Variants in DLC1 observed in about 807,000 individuals in gnomAD.
DLC1 encodes rho GTPase-activating protein 7.
Under a neutral mutation model 140.3 loss-of-function variants are expected in DLC1, and 54 were observed. That is an observed-to-expected ratio of 0.38 (90% confidence interval 0.31 to 0.48). DLC1 has a LOEUF of 0.48. Ranked by LOEUF, DLC1 falls within the 20% of genes least tolerant of loss-of-function variation. The probability of loss-of-function intolerance (pLI) is 0.96; values close to 1 mark genes in which losing one functional copy is unlikely to be tolerated. For missense variants in DLC1, 2,536 were observed against 1,907.0 expected, an observed-to-expected ratio of 1.33 and a Z score of -6.14; for synonymous variants, 986 against 728.1, an observed-to-expected ratio of 1.35 and a Z score of -5.70.
In DLC1 at chr8:13,099,510, A is replaced by G. The variant is rs988403588; in HGVS notation, c.2827T>C (p.Cys943Arg). The G allele has an allele frequency of 6.2e-7, 1 of 1,614,180 alleles. No homozygotes were observed. Among genetic ancestry groups the G allele is most frequent in the Non-Finnish European group, 8.5e-7 (1 of 1,180,034 alleles). Residue 943 changes from cysteine to arginine, a missense_variant, in exon 9 of 18, where the codon TGC becomes CGC. Cys to Arg is a radical substitution (Grantham distance 180, BLOSUM62 -3). Transcript: ENST00000276297. ...TGTATCTGTTTTGGAGAGGACGGGC[A>G]GGGAGAGACCGAGTCCAGGGCTGAG... ...SDSALDSVSPCPSSPKQIHLD... is the reference protein window; with the variant it reads ...SDSALDSVSPRPSSPKQIHLD...
chr8:13,583,344 G>A (rs1186527901), intron 1 of DLC1, among the ~76,000 whole-genome samples: 1 of 152,148 alleles, frequency 6.6e-6, no homozygotes, highest in African/African-American at 2.4e-5. Context: ...TTCATCAGGA[G>A]TAGATTTCAT....
At chr8:13,340,702 T>C (rs1834001002) in intron 4 of DLC1, 2 of 152,238 alleles carry the variant, frequency 1.3e-5, no homozygotes, top group Admixed American at 6.5e-5. Flanking sequence ...GTGGCTATTG[T>C]TTTATTGTTG....
At position 13,085,906 on chromosome 8, in the gene DLC1, T is replaced by C. The variant is rs1268732608; in HGVS notation, c.4492A>G (p.Lys1498Glu). Residue 1498 changes from lysine to glutamate, a missense_variant, in exon 18 of 18, where the codon AAA becomes GAA. Lys to Glu is a moderately conservative substitution (Grantham distance 56). Transcript: ENST00000276297. Reference sequence around the variant, plus strand: ...GCTGCACACAAATGTCCAAAAGATTTTGTGTACCATTCTGGCATGTGGCCC... The same window carrying C: ...GCTGCACACAAATGTCCAAAAGATTCTGTGTACCATTCTGGCATGTGGCCC... ...LRGHMPEWYT[K>E]SFGHLCAAEV... 2 of 1,614,032 alleles carry C rather than the reference T, an allele frequency of 1.2e-6. No individual in the cohort carries two copies. Among genetic ancestry groups the C allele is most frequent in the Non-Finnish European group, 1.7e-6 (2 of 1,180,042 alleles).
chr8:13,541,799 T>A (rs1585256706), intron 1 of DLC1, among the ~76,000 whole-genome samples: 2 of 152,206 alleles, frequency 1.3e-5, no homozygotes, highest in East Asian at 3.9e-4. Context: ...TCCGCCTGCC[T>A]CGGCCTCCCA....
intron 5 of DLC1, among the ~76,000 whole-genome samples, chr8:13,187,409 G>C (rs931644593): frequency 5.9e-5 from 9 of 152,236 alleles, no homozygotes; most frequent in South Asian, 2.1e-4. Flanking sequence ...TCCCATTGGG[G>C]CAGAGATTGT....
chr8:13,553,784 C>G (rs932388946), intron 1 of DLC1, among the ~76,000 whole-genome samples: 1 of 152,114 alleles, frequency 6.6e-6, no homozygotes, highest in African/African-American at 2.4e-5. Context: ...ACCTTCAAAA[C>G]GATTCTTGTC....
At chr8:13,169,300 AT>A (rs983627012) in intron 5 of DLC1, among the ~76,000 whole-genome samples, 2 of 152,192 alleles carry the variant, frequency 1.3e-5, no homozygotes, top group African/African-American at 4.8e-5. Context: ...GAGTTTGGAT[AT>A]TCAGGGATTT....
At chr8:13,304,509 A>T in intron 5 of DLC1, 1 of 294,074 alleles carries the variant, frequency 3.4e-6, no homozygotes, top group Non-Finnish European at 5.0e-6. Flanking sequence ...GCTTTAGTGT[A>T]AAGGCACTTG....
intron 4 of DLC1, among the ~76,000 whole-genome samples, chr8:13,311,844 T>C (rs1289713058): frequency 6.6e-6 from 1 of 152,168 alleles, no homozygotes; most frequent in Non-Finnish European, 1.5e-5. Flanking sequence ...AAGTTGGGAT[T>C]CTGACCTTGA....
intron 4 of DLC1, among the ~76,000 whole-genome samples, chr8:13,379,820 A>C (rs1056164111): frequency 6.6e-6 from 1 of 152,296 alleles, no homozygotes; most frequent in African/African-American, 2.4e-5. Context: ...CAGCCTCAAA[A>C]AAGATTGAGT....
At chr8:13,492,388 A>C (rs1189617794) in intron 2 of DLC1, among the ~76,000 whole-genome samples, 3 of 152,084 alleles carry the variant, frequency 2.0e-5, no homozygotes, top group East Asian at 1.9e-4. Context: ...AGCCTGCTAC[A>C]TATTCACTTT....
At position 13,413,256 on chromosome 8, in the gene DLC1, A is replaced by ATTTTTTTTTTTTTTTTTTTTTTTTTTT. The variant is rs58038503; in HGVS notation, c.1024-11638_1024-11637insAAAAAAAAAAAAAAAAAAAAAAAAAAA. 1.1e-4 allele frequency among the ~76,000 whole-genome samples: 9 copies of ATTTTTTTTTTTTTTTTTTTTTTTTTTT among 82,016 alleles called. 1 individual carries two copies. Among genetic ancestry groups the ATTTTTTTTTTTTTTTTTTTTTTTTTTT allele is most frequent in the East Asian group, 4.6e-4 (1 of 2,178 alleles). The allele number at this position is 82,016 out of a possible 152,430, so 53.8% of individuals were successfully genotyped here. On this transcript the variant is annotated intron_variant, in intron 2 of 17. Coordinates refer to ENST00000276297, the MANE Select transcript of DLC1 (RefSeq NM_182643.3). Reference sequence around the variant, plus strand: ...TAAAACATTATGAGATTTTTTTGCGATTTTTTTTTTTTTTTTTTTTTAGCT... The same window carrying ATTTTTTTTTTTTTTTTTTTTTTTTTTT: ...TAAAACATTATGAGATTTTTTTGCGATTTTTTTTTTTTTTTTTTTTTTTTTTTTTTTTTTTTTTTTTTTTTTTTAGCT...
intron 5 of DLC1, among the ~76,000 whole-genome samples, chr8:13,175,456 C>T (rs1011896819): frequency 6.6e-6 from 1 of 151,966 alleles, no homozygotes; most frequent in African/African-American, 2.4e-5. Context: ...CCTTTTCTAC[C>T]TTAAACATTG....
intron 16 of DLC1, among the ~76,000 whole-genome samples, chr8:13,087,637 A>T (rs1817675969): frequency 6.6e-6 from 1 of 152,220 alleles, no homozygotes; most frequent in Admixed American, 6.5e-5. Context: ...CCTCTTTGAA[A>T]AAAGAGCCCA....
chr8:13,180,687 G>C (rs1401262398), intron 5 of DLC1, among the ~76,000 whole-genome samples: 1 of 151,788 alleles, frequency 6.6e-6, no homozygotes, highest in Non-Finnish European at 1.5e-5. Context: ...TTTATTCATT[G>C]TACAACTAAT....
chr8:13,475,960 T>C (rs1250835088), intron 2 of DLC1, among the ~76,000 whole-genome samples: 1 of 152,198 alleles, frequency 6.6e-6, no homozygotes, highest in Non-Finnish European at 1.5e-5. Context: ...TTCATAACCA[T>C]TTCTCCACTG....
intron 2 of DLC1, among the ~76,000 whole-genome samples, chr8:13,487,447 A>G (rs1013925971): frequency 9.9e-5 from 15 of 152,274 alleles, no homozygotes; most frequent in African/African-American, 2.6e-4. Flanking sequence ...GACTTAGTAC[A>G]CTGAACCTCA....
Position 13,500,076 on chromosome 8 carries a change from T to C in DLC1, c.-5A>G. 1.2e-6 allele frequency: 2 copies of C among 1,609,876 alleles called. No homozygotes were observed. Among genetic ancestry groups the C allele is most frequent in the Non-Finnish European group, 8.5e-7 (1 of 1,176,850 alleles). On this transcript the variant is annotated 5_prime_UTR_variant, in exon 2 of 18. The change abolishes an upstream ATG in the 5' untranslated region. Transcript: ENST00000276297. Reference sequence around the variant, plus strand: ...CTTTCTGATAGCTACAGACATGTCATCGTAGTTTAACAACAGACAGAGAGA... The same window carrying C: ...CTTTCTGATAGCTACAGACATGTCACCGTAGTTTAACAACAGACAGAGAGA...
At chr8:13,250,324 C>A (rs1829948044) in intron 5 of DLC1, among the ~76,000 whole-genome samples, 1 of 152,166 alleles carries the variant, frequency 6.6e-6, no homozygotes, top group Non-Finnish European at 1.5e-5. Flanking sequence ...GGAGAGTTCC[C>A]TATAGTTCAA....
Sources: gnomAD v4.1 joint callset for allele counts (sites outside exome capture counted in the v4.1 genomes callset) on GRCh38, gnomAD v4.1.1 for gene constraint, MANE v1.5 for transcripts, NCBI Gene and HGNC (gene_info 2026-07-23, HGNC 2026-07-21) for gene names.